Variants in ADGRV1 observed in about 807,000 individuals in gnomAD.
The protein encoded by ADGRV1 is adhesion G protein-coupled receptor V1.
Under a neutral mutation model 596.2 loss-of-function variants are expected in ADGRV1, and 359 were observed. That is an observed-to-expected ratio of 0.60 (90% CI 0.55 to 0.66). The LOEUF (loss-of-function observed/expected upper bound fraction) is 0.66. Among genes scored for constraint, ADGRV1 ranks in the 30% least tolerant of loss-of-function variants. The pLI, the probability that ADGRV1 is intolerant of heterozygous loss-of-function variation, is 0.00. For synonymous variants in ADGRV1, 2,681 were observed against 2,679.2 expected (o/e 1.00, Z -0.02); for missense variants, 7,274 against 7,575.6 (o/e 0.96, Z 1.48).
intron 83 of ADGRV1, among the ~76,000 whole-genome samples, chr5:90,895,025 C>G (rs1322498675): frequency 6.6e-6 from 1 of 152,020 alleles, no homozygotes; most frequent in Non-Finnish European, 1.5e-5. Flanking sequence ...ACTTTCTGAG[C>G]TCAAGCAGTC....
chr5:91,150,819 T>C (rs1227393893), intron 88 of ADGRV1, among the ~76,000 whole-genome samples: 1 of 152,244 alleles, frequency 6.6e-6, no homozygotes, highest in Non-Finnish European at 1.5e-5. Context: ...CATTGCTCTC[T>C]GCATTCTGTC....
At chr5:91,122,866 A>G (rs1793445503) in intron 87 of ADGRV1, among the ~76,000 whole-genome samples, 1 of 152,216 alleles carries the variant, frequency 6.6e-6, no homozygotes. Flanking sequence ...AATCCCTGCT[A>G]AAGATTTCAC....
chr5:90,941,210 A>G (rs1776143202), intron 83 of ADGRV1, among the ~76,000 whole-genome samples: 3 of 152,194 alleles, frequency 2.0e-5, no homozygotes, highest in Admixed American at 2.0e-4. Context: ...ATCTAGTTAC[A>G]ATATTGTAGA....
In ADGRV1 at chr5:90,609,402, G is replaced by A. The variant is rs537185883; in HGVS notation, c.23-5433G>A. ...CTACAGTCTGAGTAAGAGACTATTC[G>A]TTTTATTTATTACTTTAAAAATGTT... is the stretch of plus-strand genomic sequence containing the variant. On this transcript the variant is annotated intron_variant, in intron 1 of 89. Coordinates refer to ENST00000405460, the MANE Select transcript of ADGRV1 (RefSeq NM_032119.4). Among the ~76,000 whole-genome samples, 210 of 151,862 alleles carry A rather than the reference G, an allele frequency of 1.4e-3. 1 individual carries two copies. The highest frequency in any genetic ancestry group is 4.7e-3 in the African/African-American group (194 of 41,500).
chr5:90,982,788 G>A (rs564391445), intron 84 of ADGRV1, among the ~76,000 whole-genome samples: 238 of 152,300 alleles, frequency 1.6e-3, no homozygotes, highest in Non-Finnish European at 1.6e-3. Flanking sequence ...GTGGCCAGGG[G>A]AGCAATGTCA....
chr5:90,716,393 G>C, intron 42 of ADGRV1, 74 bp from the exon 43 acceptor site: 1 of 1,089,994 alleles, frequency 9.2e-7, no homozygotes, highest in Non-Finnish European at 1.3e-6. Flanking sequence ...TTTTCAATTA[G>C]ACATCCACAC....
intron 21 of ADGRV1, among the ~76,000 whole-genome samples, chr5:90,661,402 T>C (rs535612131): frequency 5.3e-4 from 80 of 152,328 alleles, no homozygotes; most frequent in Non-Finnish European, 5.9e-5. Flanking sequence ...ACTTGGACTA[T>C]ATTTGTTTTT....
Position 90,721,029 on chromosome 5 carries a change from G to T in ADGRV1, c.9718G>T (p.Glu3240Ter). Residue 3240 changes from glutamate (E) to a stop codon, truncating the protein, a stop_gained, in exon 45 of 90, where the codon GAG becomes TAG. Transcript: ENST00000405460. LOFTEE classifies it high-confidence loss of function. Reference protein sequence around the residue: ...GIDLAVSVQWETVSETAFGMR... With the variant: ...GIDLAVSVQW ...TGATTTGGCTGTGAGTGTGCAGTGG[G>T]AGACAGTATCTGAAACAGCCTTTGG... 1 of 1,612,444 alleles carries T rather than the reference G, an allele frequency of 6.2e-7. No individual in the cohort carries two copies. The highest frequency in any genetic ancestry group is 1.1e-5 in the South Asian group (1 of 90,978).
chr5:90,664,108 T>C (rs1316887313), intron 21 of ADGRV1, among the ~76,000 whole-genome samples: 2 of 148,328 alleles, frequency 1.3e-5, no homozygotes, highest in Non-Finnish European at 3.0e-5. Context: ...TCTTTTTTGG[T>C]TCCATATGAA....
At chr5:91,023,638 G>A (rs1207635174) in intron 85 of ADGRV1, among the ~76,000 whole-genome samples, 1 of 151,996 alleles carries the variant, frequency 6.6e-6, no homozygotes, top group Non-Finnish European at 1.5e-5. Context: ...TTTCAGAATG[G>A]CAAAAAGATC....
Position 90,706,337 on chromosome 5 carries a change from C to G in ADGRV1, c.8673C>G (p.Gly2891=). ...EPEVDFVPII[G]FLILEEGETA... ...AAGTTGATTTTGTCCCTATCATTGG[C>G]TTTCTGATTTTAGAAGAAGGGGAAA... Residue 2891 remains glycine (G), a synonymous_variant, in exon 38 of 90, where the codon GGC becomes GGG. Transcript: ENST00000405460. 1 of 1,612,664 alleles carries G rather than the reference C, an allele frequency of 6.2e-7. No individual in the cohort carries two copies. Among genetic ancestry groups the G allele is most frequent in the Non-Finnish European group, 8.5e-7 (1 of 1,179,378 alleles).
chr5:90,707,980 C>T (rs1225914780), intron 38 of ADGRV1, among the ~76,000 whole-genome samples: 1 of 151,992 alleles, frequency 6.6e-6, no homozygotes, highest in Non-Finnish European at 1.5e-5. Flanking sequence ...CATGTTGGTC[C>T]ATATATTACA....
At chr5:90,611,035 C>T (rs1402543714) in intron 1 of ADGRV1, among the ~76,000 whole-genome samples, 1 of 151,306 alleles carries the variant, frequency 6.6e-6, no homozygotes, top group Non-Finnish European at 1.5e-5. Flanking sequence ...TTGACCTGAT[C>T]TGAATGGCCA....
chr5:90,920,790 T>A (rs1020899263), intron 83 of ADGRV1, among the ~76,000 whole-genome samples: 30 of 152,214 alleles, frequency 2.0e-4, no homozygotes, highest in Admixed American at 1.7e-3. Context: ...TTCCATTTTT[T>A]AAAAATCTAA....
chr5:91,102,396 C>G (rs1791464047), intron 87 of ADGRV1, 56 bp downstream of exon 87: 2 of 1,449,178 alleles, frequency 1.4e-6, no homozygotes, highest in African/African-American at 2.9e-5. Flanking sequence ...GAACACAAGG[C>G]ATAGAATTTC....
chr5:90,759,587 CTG>C lies in ADGRV1; in HGVS notation c.12120+1_12120+2del, dbSNP rs1166422359. 2.5e-6 allele frequency: 4 copies of C among 1,611,292 alleles called. No homozygotes were observed. The highest frequency in any genetic ancestry group is 2.5e-6 in the Non-Finnish European group (3 of 1,177,754). ...GGAGTATTTGGATTTGAAGAAAAGA[CTG>C]TAAGTTAAACATATCAGGGGAAAGC... On this transcript the variant is annotated splice_donor_variant and coding_sequence_variant, in exon 58 of 90. Transcript: ENST00000405460. LOFTEE classifies it high-confidence loss of function.
At chr5:90,666,262 G>C (rs545849538) in intron 21 of ADGRV1, among the ~76,000 whole-genome samples, 2 of 152,118 alleles carry the variant, frequency 1.3e-5, no homozygotes, top group East Asian at 3.9e-4. Context: ...TCTCTTTGTA[G>C]GTCATTCAGG....
chr5:90,690,118 G>A (rs1177559371), intron 30 of ADGRV1, 42 bp downstream of exon 30: 2 of 1,102,198 alleles, frequency 1.8e-6, no homozygotes, highest in South Asian at 1.4e-5. Context: ...TTGTCTGCAT[G>A]TATAGATCAT....
chr5:90,941,603 A>T (rs554125458), intron 83 of ADGRV1, among the ~76,000 whole-genome samples: 306 of 152,324 alleles, frequency 2.0e-3, no homozygotes, highest in Non-Finnish European at 3.2e-3. Flanking sequence ...CCAACCAAAA[A>T]TACAGGGACT....
Sources: gnomAD v4.1 joint callset for allele counts (sites outside exome capture counted in the v4.1 genomes callset) on GRCh38, gnomAD v4.1.1 for gene constraint, MANE v1.5 for transcripts, NCBI Gene and HGNC (gene_info 2026-07-23, HGNC 2026-07-21) for gene names.